Variants in MGST2 observed in about 807,000 individuals in gnomAD.
MGST2 encodes microsomal glutathione S-transferase 2.
In MGST2, 9 loss-of-function variants were observed where a neutral mutation model predicts 16.6. The observed-to-expected ratio is 0.54, with a 90% confidence interval of 0.33 to 0.95. MGST2 has a LOEUF of 0.95. MGST2 is among the 40% of genes least tolerant of loss of function. The pLI, the probability that MGST2 is intolerant of heterozygous loss-of-function variation, is 0.03. For synonymous variants in MGST2, 79 were observed against 68.0 expected (o/e 1.16, Z -0.79); for missense variants, 159 against 175.1 (o/e 0.91, Z 0.52).
In MGST2 at chr4:139,735,364, T is replaced by G. The variant is rs1412268732; in HGVS notation, c.*49-4848T>G. Reference sequence around the variant, plus strand: ...ACTGGTTTCTCATTACCGACTTTTCTTCCAGCCGGAGGGGAGGAAGAATTC... The same window carrying G: ...ACTGGTTTCTCATTACCGACTTTTCGTCCAGCCGGAGGGGAGGAAGAATTC... On this transcript the variant is annotated intron_variant, in intron 5 of 5. Coordinates refer to the MGST2 transcript ENST00000616265. This position sits in a 1 kb window ranked among gnomAD's most constrained non-coding sequence, Gnocchi z 5.8. Among the ~76,000 whole-genome samples, 5 of 152,034 alleles carry G rather than the reference T, an allele frequency of 3.3e-5. No individual in the cohort carries two copies. The highest frequency in any genetic ancestry group is 1.5e-5 in the Non-Finnish European group (1 of 68,002).
At chr4:139,671,918 A>C (rs1045766777) in intron 1 of MGST2, among the ~76,000 whole-genome samples, 2 of 152,162 alleles carry the variant, frequency 1.3e-5, no homozygotes, top group Non-Finnish European at 2.9e-5. Flanking sequence ...CTGGGATTAC[A>C]GGCACGAACT....
At chr4:139,703,350 T>G in intron 3 of MGST2, 105 bp from the exon 4 acceptor site, 1 of 921,912 alleles carries the variant, frequency 1.1e-6, no homozygotes, top group Non-Finnish European at 1.8e-6. Context: ...ATAAGTATCT[T>G]GTCCAATATA....
In MGST2 at chr4:139,721,799, T is replaced by C. The variant is rs564683962; in HGVS notation, c.*48+17603T>C. ...TTAAGCTTCATTATATCTAAGTGAT[T>C]TTTTGAAAAATCGAAAGTTCCTAGT... On this transcript the variant is annotated intron_variant, in intron 5 of 5. Transcript: ENST00000616265. Among the ~76,000 whole-genome samples, 6 of 152,336 alleles carry C rather than the reference T, an allele frequency of 3.9e-5. No homozygotes were observed. In the East Asian group the frequency reaches 1.2e-3, roughly 29 times the overall value.
At chr4:139,670,945 T>C (rs1033022006) in intron 1 of MGST2, among the ~76,000 whole-genome samples, 5 of 151,622 alleles carry the variant, frequency 3.3e-5, no homozygotes, top group Admixed American at 3.3e-4. Context: ...TGTGATGCTA[T>C]ACCAGAGTCA....
chr4:139,672,671 C>T (rs1316107370), intron 1 of MGST2, among the ~76,000 whole-genome samples: 1 of 151,988 alleles, frequency 6.6e-6, no homozygotes, highest in African/African-American at 2.4e-5. Context: ...CTGTCTCAGC[C>T]TCCTGAGTAG....
chr4:139,678,515 T>TAA lies in MGST2; in HGVS notation c.59-28_59-27insAA, dbSNP rs1731076652. On this transcript the variant is annotated intron_variant, in intron 1 of 4. Transcript: ENST00000265498. ...TAATGACTAATGACGTGCCCCATCTTTAACGCAACATTTCCCTTTACTTGC... is the reference window on the plus strand; with the variant it reads ...TAATGACTAATGACGTGCCCCATCTTAATAACGCAACATTTCCCTTTACTTGC... 4 of 1,573,286 alleles carry TAA rather than the reference T, an allele frequency of 2.5e-6. No individual in the cohort carries two copies. The African/African-American group carries it at 5.4e-5, about 21-fold the overall frequency.
chr4:139,723,255 T>A (rs1279292512), intron 5 of MGST2, among the ~76,000 whole-genome samples: 1 of 152,140 alleles, frequency 6.6e-6, no homozygotes, highest in Non-Finnish European at 1.5e-5. Context: ...AAGAATAGGA[T>A]TGATCATCTC....
downstream of MGST2, among the ~76,000 whole-genome samples, chr4:139,705,981 G>A (rs547829266): frequency 2.0e-5 from 3 of 152,248 alleles, no homozygotes; most frequent in South Asian, 2.1e-4. Context: ...ACATTTTGAC[G>A]TCAGGAAAAG....
chr4:139,667,996 G>A (rs765825897), intron 1 of MGST2, among the ~76,000 whole-genome samples: 14 of 152,204 alleles, frequency 9.2e-5, no homozygotes, highest in Non-Finnish European at 1.0e-4. Context: ...AAGGGGTCTG[G>A]CTACAGATTG....
At position 139,665,916 on chromosome 4, in the gene MGST2, C is replaced by G. The variant is rs376421236; in HGVS notation, c.-104C>G. 3.6e-5 allele frequency: 42 copies of G among 1,170,340 alleles called. No individual in the cohort carries two copies. Among genetic ancestry groups the G allele is most frequent in the Middle Eastern group, 1.9e-4 (1 of 5,230 alleles). The allele number at this position is 1,170,340 out of a possible 1,614,324, so 72.5% of individuals were successfully genotyped here. On this transcript the variant is annotated 5_prime_UTR_variant, in exon 1 of 5. Coordinates refer to ENST00000265498, the MANE Select transcript of MGST2 (RefSeq NM_002413.5). ...GCCGCTTGAATCAGCCTTTTCCCCC[C>G]ACCCGGTCCCCAACTTTGTTTACCC...
chr4:139,678,600 C>A lies in MGST2; in HGVS notation c.116C>A (p.Ala39Glu), dbSNP rs752331529. ...ARLKYKVTPP[A>E]VTGSPEFERV... The stretch of plus-strand genomic sequence containing the variant: ...TTAAAATACAAAGTTACGCCCCCAG[C>A]AGTCACTGGGTCACCAGAGTTTGAG... Residue 39 changes from alanine (A) to glutamate (E), a missense_variant, in exon 2 of 5, where the codon GCA becomes GAA. Physicochemically the swap from Ala to Glu is moderately radical, Grantham distance 107. Coordinates refer to ENST00000265498, the MANE Select transcript of MGST2 (RefSeq NM_002413.5). The A allele has an allele frequency of 6.2e-7, 1 of 1,614,116 alleles. No individual in the cohort carries two copies. Among genetic ancestry groups the A allele is most frequent in the South Asian group, 1.1e-5 (1 of 91,086 alleles).
intron 2 of MGST2, among the ~76,000 whole-genome samples, chr4:139,689,427 C>A (rs962763124): frequency 6.6e-6 from 1 of 152,304 alleles, no homozygotes; most frequent in Non-Finnish European, 1.5e-5. Flanking sequence ...TAGACAGTTA[C>A]ACGTCTTTAT....
downstream of MGST2, among the ~76,000 whole-genome samples, chr4:139,708,999 CA>C (rs36036249): frequency 0.52 from 53,371 of 102,384 alleles, 13,442 homozygotes; most frequent in African/African-American, 0.65. Flanking sequence ...AACTCCGTCT[CA>C]AAAAAAAAAA....
At chr4:139,702,867 T>TTTTTTTTTTTTTTTTTTTC (rs767366469) in intron 3 of MGST2, among the ~76,000 whole-genome samples, 5 of 132,386 alleles carry the variant, frequency 3.8e-5, no homozygotes, top group Non-Finnish European at 5.0e-5. Context: ...TTTTTTTTTT[T>TTTTTTTTTTTTTTTTTTTC]TTTACAATTT....
chr4:139,679,369 C>T (rs983367571), intron 2 of MGST2, among the ~76,000 whole-genome samples: 1 of 152,146 alleles, frequency 6.6e-6, no homozygotes, highest in Non-Finnish European at 1.5e-5. Context: ...CTTTGCCTTT[C>T]TTGTCTGGTT....
downstream of MGST2, among the ~76,000 whole-genome samples, chr4:139,741,560 G>A (rs565606065): frequency 2.4e-4 from 36 of 152,114 alleles, 1 homozygote; most frequent in South Asian, 4.8e-3. Context: ...ACCAGCCTGG[G>A]CAACAGCAAG....
chr4:139,667,499 A>AGG (rs1579280665), intron 1 of MGST2, among the ~76,000 whole-genome samples: 1 of 39,316 alleles, frequency 2.5e-5, no homozygotes. Context: ...GAGTGGGGGT[A>AGG]GGGGTGGGGA....
intron 5 of MGST2, among the ~76,000 whole-genome samples, chr4:139,733,558 A>G (rs1447594154): frequency 1.1e-4 from 3 of 27,022 alleles, no homozygotes; most frequent in African/African-American, 5.4e-4. Flanking sequence ...GCACAGTGTG[A>G]AAAAAAAAAA....
downstream of MGST2, among the ~76,000 whole-genome samples, chr4:139,742,310 G>A (rs547709964): frequency 4.6e-5 from 7 of 152,114 alleles, no homozygotes; most frequent in Non-Finnish European, 5.9e-5. Context: ...CACCACGCCC[G>A]GCTAATTTTT....
Sources: gnomAD v4.1 joint callset for allele counts (sites outside exome capture counted in the v4.1 genomes callset) on GRCh38, gnomAD v4.1.1 for gene constraint, Gnocchi (gnomAD v3.1) non-coding constraint, MANE v1.5 for transcripts, NCBI Gene and HGNC (gene_info 2026-07-23, HGNC 2026-07-21) for gene names.